The following POLQ variants were observed in gnomAD, a reference collection of about 807,000 sequenced individuals.
The protein encoded by POLQ is epididymis secretory sperm binding protein.
A neutral mutation model predicts 259.2 loss-of-function variants in POLQ; 233 were observed. The ratio of observed to expected loss-of-function variants is 0.90; its 90% CI spans 0.81 to 1.00. POLQ has a LOEUF of 1.00. POLQ is among the 50% of genes least tolerant of loss of function. The pLI is 0.00. For synonymous variants in POLQ, 1,025 were observed against 1,048.8 expected (o/e 0.98, Z 0.44); for missense variants, 2,871 against 3,051.6 (o/e 0.94, Z 1.39).
chr3:121,531,879 A>C (rs1185629161), intron 6 of POLQ, among the ~76,000 whole-genome samples: 6 of 152,230 alleles, frequency 3.9e-5, no homozygotes, highest in Non-Finnish European at 5.9e-5. Context: ...AGTATGCAGA[A>C]ACTACAAATG....
intron 7 of POLQ, among the ~76,000 whole-genome samples, chr3:121,524,937 T>TAC (rs33965431): frequency 0.048 from 7,186 of 148,580 alleles, 189 homozygotes; most frequent in African/African-American, 0.067. Flanking sequence ...TGTGTATAAA[T>TAC]ACACACACAC....
intron 25 of POLQ, among the ~76,000 whole-genome samples, chr3:121,457,915 G>T (rs1162107177): frequency 6.6e-6 from 1 of 152,122 alleles, no homozygotes; most frequent in Non-Finnish European, 1.5e-5. Flanking sequence ...AAATCATGCT[G>T]CTATAAAGAT....
chr3:121,519,754 G>A, intron 9 of POLQ, 117 bp downstream of exon 9: 1 of 705,544 alleles, frequency 1.4e-6, no homozygotes, highest in South Asian at 1.7e-5. Flanking sequence ...TGACACTAGT[G>A]CATTGGATAA....
intron 2 of POLQ, among the ~76,000 whole-genome samples, chr3:121,542,735 C>T (rs2048499367): frequency 6.6e-6 from 1 of 152,168 alleles, no homozygotes; most frequent in Non-Finnish European, 1.5e-5. Context: ...TTGGGAGAAT[C>T]ACTTGAGCCC....
intron 16 of POLQ, among the ~76,000 whole-genome samples, chr3:121,485,801 A>G (rs982053150): frequency 2.6e-5 from 4 of 152,218 alleles, no homozygotes; most frequent in African/African-American, 9.6e-5. Flanking sequence ...TGTTTGTTAC[A>G]TCAAAAATGG....
At chr3:121,534,919 T>C (rs1006635410) in intron 5 of POLQ, among the ~76,000 whole-genome samples, 1 of 152,248 alleles carries the variant, frequency 6.6e-6, no homozygotes, top group African/African-American at 2.4e-5. Context: ...ATAAATGATA[T>C]GAATCCATTA....
At chr3:121,541,112 C>T (rs2048486300) in intron 3 of POLQ, among the ~76,000 whole-genome samples, 1 of 152,170 alleles carries the variant, frequency 6.6e-6, no homozygotes, top group South Asian at 2.1e-4. Flanking sequence ...ATCTCCTGAC[C>T]TCAGATGATC....
At position 121,457,946 on chromosome 3, in the gene POLQ, T is replaced by G. The variant is rs2047756335; in HGVS notation, c.7152+2104A>C. 3.9e-5 allele frequency among the ~76,000 whole-genome samples: 6 copies of G among 152,302 alleles called. No individual in the cohort carries two copies. The South Asian group carries it at 1.2e-3, about 32-fold the overall frequency. The stretch of plus-strand genomic sequence containing the variant: ...AAGATACATGCACACGTATGTTTAT[T>G]GCGGCACTATTCACAAGAGCAAAGA... On this transcript the variant is annotated intron_variant, in intron 25 of 29. Coordinates refer to ENST00000264233, the MANE Select transcript of POLQ (RefSeq NM_199420.4).
At position 121,488,398 on chromosome 3, in the gene POLQ, T is replaced by A. The variant is rs1294846681; in HGVS notation, c.4533A>T (p.Glu1511Asp). Residue 1511 changes from glutamate (E) to aspartate (D), a missense_variant, in exon 16 of 30, where the codon GAA becomes GAT. Transcript: ENST00000264233. Reference sequence around the variant, plus strand: ...TTGATGTTACTTCTGAAGGAAGGGGTTCTTTCATTTGCATATCAGGTAATT... The same window carrying A: ...TTGATGTTACTTCTGAAGGAAGGGGATCTTTCATTTGCATATCAGGTAATT... ...KEQLPDMQMKEPLPSEVTSNH... is the reference protein window; with the variant it reads ...KEQLPDMQMKDPLPSEVTSNH... 6 of 1,612,770 alleles carry A rather than the reference T, an allele frequency of 3.7e-6. No individual in the cohort carries two copies. The African/African-American group carries it at 8.0e-5, about 22-fold the overall frequency.
rs2047542936 is a variant in POLQ at position 121,436,202 on chromosome 3, A to T, written c.7463T>A (p.Ile2488Asn). Residue 2488 changes from isoleucine to asparagine, a missense_variant, in exon 28 of 30, where the codon ATT becomes AAT. Transcript: ENST00000264233. ...GTGGAAGGTCTCTAATTGCTTCTGA[A>T]TGTTAACTGTGGCTATTTTGACAAT... ...ADIVKIATVN[I>N]QKQLETFHST... 1 of 1,613,778 alleles carries T rather than the reference A, an allele frequency of 6.2e-7. No individual in the cohort carries two copies. The highest frequency in any genetic ancestry group is 8.5e-7 in the Non-Finnish European group (1 of 1,179,694).
At chr3:121,525,925 G>C (rs1395833100) in intron 7 of POLQ, among the ~76,000 whole-genome samples, 2 of 151,646 alleles carry the variant, frequency 1.3e-5, no homozygotes, top group Non-Finnish European at 2.9e-5. Flanking sequence ...TCTTTTTCAT[G>C]ATTTCGTTCA....
At position 121,433,047 on chromosome 3, in the gene POLQ, A is replaced by G. The variant is rs551201969; in HGVS notation, c.7544-14T>C. The G allele has an allele frequency of 6.3e-6, 9 of 1,432,554 alleles. No individual in the cohort carries two copies. Among genetic ancestry groups the G allele is most frequent in the South Asian group, 1.1e-5 (1 of 87,300 alleles). The allele number at this position is 1,432,554 out of a possible 1,614,324, so 88.7% of individuals were successfully genotyped here. On this transcript the variant is annotated splice_polypyrimidine_tract_variant and intron_variant, in intron 28 of 29. Transcript: ENST00000264233. ...TTCGTGACAATCCTACTTCATGAAA[A>G]AGGAGCAAAACTGATCAGCATGTCG...
chr3:121,472,650 T>G (rs1407914275), intron 21 of POLQ, among the ~76,000 whole-genome samples: 1 of 152,132 alleles, frequency 6.6e-6, no homozygotes, highest in African/African-American at 2.4e-5. Context: ...GAACAGAAAC[T>G]TGTGAGTAAA....
At chr3:121,508,245 C>T (rs2048226019) in intron 12 of POLQ, among the ~76,000 whole-genome samples, 1 of 152,084 alleles carries the variant, frequency 6.6e-6, no homozygotes, top group South Asian at 2.1e-4. Context: ...ACTAACACTG[C>T]CAACAGTCTT....
chr3:121,447,169 C>CA, intron 26 of POLQ, among the ~76,000 whole-genome samples: 2 of 111,880 alleles, frequency 1.8e-5, no homozygotes, highest in Non-Finnish European at 3.9e-5. Flanking sequence ...TGTCTTATAA[C>CA]CCTTTTTTTT....
chr3:121,494,539 C>A, intron 14 of POLQ: 1 of 1,581,110 alleles, frequency 6.3e-7, no homozygotes, highest in Non-Finnish European at 8.6e-7. Context: ...ACACCGTCAC[C>A]ACCTTGGTGG....
rs867210399 is a variant in POLQ, at chr3:121,483,436, G to A, written c.5920C>T (p.Leu1974Phe). ...AAGGAGATGCCACAAGAAAGAAGAAGAATTTTATAGCTCTGGATGAAGTCA... is the reference window on the plus strand; with the variant it reads ...AAGGAGATGCCACAAGAAAGAAGAAAAATTTTATAGCTCTGGATGAAGTCA... ...IYDFIQSYKILLLSCGISLEQ... is the reference protein window; with the variant it reads ...IYDFIQSYKIFLLSCGISLEQ... The change falls in exon 18 of 30, where the codon CTT (leucine) becomes TTT (phenylalanine). Residue 1974 changes from leucine (L) to phenylalanine (F), a missense_variant. Physicochemically the swap from Leu to Phe is conservative, Grantham distance 22 (BLOSUM62 0). Transcript: ENST00000264233. 1 of 1,589,610 alleles carries A rather than the reference G, an allele frequency of 6.3e-7. No homozygotes were observed. Among genetic ancestry groups the A allele is most frequent in the Admixed American group, 1.9e-5 (1 of 53,442 alleles).
In POLQ at chr3:121,488,217, T is replaced by A; in HGVS notation, c.4714A>T (p.Asn1572Tyr). 1 of 1,613,570 alleles carries A rather than the reference T, an allele frequency of 6.2e-7. No homozygotes were observed. The highest frequency in any genetic ancestry group is 8.5e-7 in the Non-Finnish European group (1 of 1,179,884). Residue 1572 changes from asparagine (N) to tyrosine (Y), a missense_variant, in exon 16 of 30, where the codon AAT becomes TAT. Asn to Tyr is a moderately radical substitution (Grantham distance 143). Around this residue, in one of 3 missense-constraint regions of POLQ, gnomAD observed 2,080 missense variants for 2,126.0 expected, o/e 0.98. Coordinates refer to ENST00000264233, the MANE Select transcript of POLQ (RefSeq NM_199420.4). ...DSVQMVEALD[N>Y]VDIFPVQEKN... ...TCTTGGACAGGAAATATATCCACAT[T>A]GTCCAAAGCTTCAACCATCTGAACA...
At chr3:121,492,355 A>G (rs2048075568) in intron 15 of POLQ, among the ~76,000 whole-genome samples, 1 of 152,210 alleles carries the variant, frequency 6.6e-6, no homozygotes, top group Non-Finnish European at 1.5e-5. Context: ...TAATTAAGCT[A>G]TTCCTTGATT....
Sources: allele counts gnomAD v4.1 joint callset (sites outside exome capture counted in the v4.1 genomes callset), GRCh38; gene constraint gnomAD v4.1.1; regional missense constraint gnomAD v4.1.1; transcripts MANE v1.5; gene names NCBI Gene and HGNC (gene_info 2026-07-23, HGNC 2026-07-21).